LDB1: variants seen among roughly 807,000 people sequenced by gnomAD.
LDB1 encodes LIM domain-binding protein 1.
In LDB1, 6 loss-of-function variants were observed where a neutral mutation model predicts 49.7. The observed-to-expected ratio is 0.12, with a 90% confidence interval of 0.07 to 0.24. The LOEUF (loss-of-function observed/expected upper bound fraction) is 0.24. Among genes scored for constraint, LDB1 ranks in the 10% least tolerant of loss-of-function variants. The pLI, the probability that LDB1 is intolerant of heterozygous loss-of-function variation, is 1.00. For synonymous variants in LDB1, 233 were observed against 202.0 expected (o/e 1.15, Z -1.30); for missense variants, 341 against 561.7 (o/e 0.61, Z 3.97).
chr10:102,114,798 T>A, intron 1 of LDB1: 2 of 978,284 alleles, frequency 2.0e-6, no homozygotes, highest in Non-Finnish European at 2.4e-6. Flanking sequence ...TCTTGCTGCC[T>A]CTGCCTCCGA....
rs1450866275 is a variant in LDB1 at position 102,111,465 on chromosome 10, G to A, written c.97C>T (p.His33Tyr). 6.4e-7 allele frequency: 1 copy of A among 1,568,276 alleles called. No individual in the cohort carries two copies. Among genetic ancestry groups the A allele is most frequent in the Admixed American group, 1.8e-5 (1 of 54,304 alleles). ...TCCCTATCCAGCATGGTGCCGGGAT[G>A]GAAGGGGGGAAAGGCGTTGCCGTTC... Reference protein sequence around the residue: ...PPNGNAFPPFHPGTMLDRDVG... With the variant: ...PPNGNAFPPFYPGTMLDRDVG... Residue 33 changes from histidine (H) to tyrosine (Y), a missense_variant, in exon 2 of 11, where the codon CAT becomes TAT. Physicochemically the swap from His to Tyr is moderately conservative, Grantham distance 83. This residue lies in a region of LDB1 where 48 missense variants were observed against 43.9 expected (regional missense o/e 1.09). Transcript: ENST00000673968.
intron 10 of LDB1, 42 bp from the exon 11 acceptor site, chr10:102,108,365 C>T (rs962858585): frequency 6.5e-6 from 10 of 1,538,174 alleles, no homozygotes; most frequent in African/African-American, 5.5e-5. Flanking sequence ...GGGGCAAGGG[C>T]TCGCCCGGCC....
chr10:102,108,925 A>G, intron 10 of LDB1, 104 bp downstream of exon 10: 2 of 1,492,820 alleles, frequency 1.3e-6, no homozygotes, highest in Non-Finnish European at 1.9e-6. Flanking sequence ...TACATGAGAA[A>G]AACTGTCTTT....
At position 102,108,167 on chromosome 10, in the gene LDB1, T is replaced by C; in HGVS notation, c.1162A>G (p.Ser388Gly). 6.2e-7 allele frequency: 1 copy of C among 1,614,136 alleles called. No homozygotes were observed. The highest frequency in any genetic ancestry group is 8.5e-7 in the Non-Finnish European group (1 of 1,180,010). ...GACGGAGGCTTGCTGTTCCAGGGGC[T>C]GTTGGCGCCCAGTGCAGGGGAGTTG... ...FNNSPALGANSPWNSKPPSSQ... is the reference protein window; with the variant it reads ...FNNSPALGANGPWNSKPPSSQ... The change falls in exon 11 of 11, where the codon AGC becomes GGC. Residue 388 changes from serine (S) to glycine (G), a missense_variant. Ser to Gly is a moderately conservative substitution (Grantham distance 56). Coordinates refer to ENST00000673968, the MANE Select transcript of LDB1 (RefSeq NM_001113407.3).
upstream of LDB1, chr10:102,120,374 TGTGTGCGTGTGTGCGCGTGTGC>T (rs993738713): frequency 2.0e-6 from 2 of 983,576 alleles, no homozygotes; most frequent in Non-Finnish European, 2.4e-6. Flanking sequence ...TGTGTGTCCG[TGTGTGCGTGTGTGCGCGTGTGC>T]GTGTGCGTGT....
intron 1 of LDB1, among the ~76,000 whole-genome samples, chr10:102,113,041 G>A (rs1051851193): frequency 1.3e-5 from 2 of 152,090 alleles, no homozygotes; most frequent in Non-Finnish European, 2.9e-5. Flanking sequence ...CCTAAAACTC[G>A]ACTGCATTTG....
chr10:102,120,491 C>G (rs1243764805), upstream of LDB1: 1 of 636,960 alleles, frequency 1.6e-6, no homozygotes, highest in African/African-American at 2.0e-5. Flanking sequence ...GCTCCCCAGC[C>G]CAAGCCGGGC....
intron 1 of LDB1, among the ~76,000 whole-genome samples, chr10:102,113,840 T>G (rs963047647): frequency 6.6e-6 from 1 of 150,686 alleles, no homozygotes; most frequent in African/African-American, 2.4e-5. Context: ...CCTGGGTAAA[T>G]AGCTCTGAGG....
At chr10:102,110,830 G>A (rs762036509) in intron 5 of LDB1, 39 bp downstream of exon 5, 3 of 1,588,290 alleles carry the variant, frequency 1.9e-6, no homozygotes, top group East Asian at 4.5e-5. Context: ...CGACATAGGA[G>A]GTATACACCC....
chr10:102,121,197 G>A (rs76766596), upstream of LDB1, among the ~76,000 whole-genome samples: 239 of 152,160 alleles, frequency 1.6e-3, 2 homozygotes, highest in East Asian at 0.04. Flanking sequence ...GCGATAGGAG[G>A]CCATCCTTCC....
intron 1 of LDB1, chr10:102,114,832 C>A: frequency 1.0e-6 from 1 of 976,830 alleles, no homozygotes; most frequent in Non-Finnish European, 1.2e-6. Context: ...CCTCCCCAGG[C>A]CACCGGGCCC....
Position 102,120,272 on chromosome 10 carries a change from G to C in LDB1, c.-162C>G. The C allele has an allele frequency of 2.0e-6, 2 of 983,914 alleles. No homozygotes were observed. Among genetic ancestry groups the C allele is most frequent in the Non-Finnish European group, 2.4e-6 (2 of 829,532 alleles). 60.9% of individuals were successfully genotyped at this position (983,914 alleles called of 1,614,324 possible). ...TGCGGGCGGCCCCTGGCTGCGGCGA[G>C]GGGCCTGTCAGGCGCGGAGCAGACA... On this transcript the variant is annotated 5_prime_UTR_variant, in exon 1 of 11. Coordinates refer to ENST00000673968, the MANE Select transcript of LDB1 (RefSeq NM_001113407.3).
chr10:102,109,895 C>T lies in LDB1; in HGVS notation c.648+26G>A. On this transcript the variant is annotated intron_variant, in intron 7 of 10. Coordinates refer to ENST00000673968, the MANE Select transcript of LDB1 (RefSeq NM_001113407.3). The surrounding 1 kb of genome is among the most constrained non-coding windows in gnomAD (Gnocchi z 5.8). ...CTTCCCCCGCCTGCCTTCACTCTTGCATCCTGGGTCCTGCCCACGACTCAC... is the reference window on the plus strand; with the variant it reads ...CTTCCCCCGCCTGCCTTCACTCTTGTATCCTGGGTCCTGCCCACGACTCAC... 1 of 1,602,150 alleles carries T rather than the reference C, an allele frequency of 6.2e-7. No homozygotes were observed. The highest frequency in any genetic ancestry group is 8.5e-7 in the Non-Finnish European group (1 of 1,175,604).
chr10:102,120,128 C>G lies in LDB1; in HGVS notation c.-18G>C. The G allele has an allele frequency of 1.5e-5, 20 of 1,338,688 alleles. No homozygotes were observed. The highest frequency in any genetic ancestry group is 1.9e-5 in the Non-Finnish European group (20 of 1,031,524). 82.9% of individuals were successfully genotyped at this position (1,338,688 alleles called of 1,614,324 possible). On this transcript the variant is annotated 5_prime_UTR_variant, in exon 1 of 11. Transcript: ENST00000673968. ...ACTGACATCTTCACATCGCCCGCCT[C>G]TGGGGGCCCAGCCGAGTCACGGTGC...
intron 1 of LDB1, among the ~76,000 whole-genome samples, chr10:102,115,137 ACTGGGAGAGACAGGGG>A (rs1460326488): frequency 2.0e-5 from 3 of 152,048 alleles, no homozygotes; most frequent in Non-Finnish European, 4.4e-5. Context: ...AGAGACAGAG[ACTGGGAGAGACAGGGG>A]ACGGATCAGA....
Position 102,120,075 on chromosome 10 carries a change from G to C in LDB1, c.25+11C>G. The C allele has an allele frequency of 7.0e-7, 1 of 1,438,102 alleles. No homozygotes were observed. Among genetic ancestry groups the C allele is most frequent in the Non-Finnish European group, 9.2e-7 (1 of 1,086,184 alleles). The allele number at this position is 1,438,102 out of a possible 1,614,324, so 89.1% of individuals were successfully genotyped here. A position where few individuals can be genotyped will look rare whatever the true frequency, so the allele number is the denominator to read the frequency against. ...GCAGGAAGGGGCCGAGTGGCCGCAC[G>C]CCCCACTCACCAGGACAGGCACAGC... On this transcript the variant is annotated intron_variant, in intron 1 of 10. Coordinates refer to ENST00000673968, the MANE Select transcript of LDB1 (RefSeq NM_001113407.3).
chr10:102,103,403 C>T (rs1299912731), downstream of LDB1, among the ~76,000 whole-genome samples: 3 of 151,922 alleles, frequency 2.0e-5, no homozygotes, highest in Non-Finnish European at 4.4e-5. Flanking sequence ...TGCAGTGGTG[C>T]AATCACAACT....
rs1173864818 is a variant in LDB1 at position 102,110,418 on chromosome 10, TGCCAGTTC to T, written c.525+103_525+110del. On this transcript the variant is annotated intron_variant, in intron 6 of 10. Coordinates refer to ENST00000673968, the MANE Select transcript of LDB1 (RefSeq NM_001113407.3). ...ACATGCCTACCCGCCCTTCTTATTT[TGCCAGTTC>T]ACATTATGCCTCCCTGGGGAACAGC... 27 of 1,104,766 alleles carry T rather than the reference TGCCAGTTC, an allele frequency of 2.4e-5. No homozygotes were observed. The East Asian group carries it at 6.2e-4, about 26-fold the overall frequency. The allele number at this position is 1,104,766 out of a possible 1,614,324, so 68.4% of individuals were successfully genotyped here. A position where few individuals can be genotyped will look rare whatever the true frequency, so the allele number is the denominator to read the frequency against.
chr10:102,105,180 C>G (rs551329395), downstream of LDB1, among the ~76,000 whole-genome samples: 110 of 152,272 alleles, frequency 7.2e-4, no homozygotes, highest in African/African-American at 2.6e-3. Context: ...TAGATGTTAC[C>G]TGGCACTCTC....
Sources: gnomAD v4.1 joint callset for allele counts (sites outside exome capture counted in the v4.1 genomes callset) on GRCh38, gnomAD v4.1.1 for gene constraint, gnomAD v4.1.1 regional missense constraint, Gnocchi (gnomAD v3.1) non-coding constraint, MANE v1.5 for transcripts, NCBI Gene and HGNC (gene_info 2026-07-23, HGNC 2026-07-21) for gene names.